PSG3: variants seen among roughly 807,000 people sequenced by gnomAD.
PSG3 encodes the protein pregnancy-specific beta-1-glycoprotein 3.
Under a neutral mutation model 47.5 loss-of-function variants are expected in PSG3, and 61 were observed. That is an observed-to-expected ratio of 1.28 (90% confidence interval 1.05 to 1.59). PSG3 has a LOEUF of 1.59. PSG3 is among the 40% of genes most tolerant of loss of function. PSG3 has a pLI of 0.00. For missense variants in PSG3, 756 were observed against 524.0 expected, an observed-to-expected ratio of 1.44 and a Z score of -4.32; for synonymous variants, 263 against 198.4, an observed-to-expected ratio of 1.33 and a Z score of -2.74.
chr19:42,738,726 T>A lies in PSG3; in HGVS notation c.428A>T (p.Tyr143Phe). Residue 143 changes from tyrosine (Y) to phenylalanine (F), a missense_variant and splice_region_variant, in exon 2 of 7, where the codon TAC becomes TTC. By Grantham distance (22) the Tyr-to-Phe change is conservative. Coordinates refer to ENST00000327495, the MANE Select transcript of PSG3 (RefSeq NM_021016.4). ...GETGHFTFTL[Y>F]LETPKPSISS... ...AGTGATCACGTGGAGTCACTCACGGTATAAGGTGAAGGTGAAATGTCCAGT... is the reference window on the plus strand; with the variant it reads ...AGTGATCACGTGGAGTCACTCACGGAATAAGGTGAAGGTGAAATGTCCAGT... The A allele has an allele frequency of 6.2e-7, 1 of 1,613,698 alleles. No individual in the cohort carries two copies. Among genetic ancestry groups the A allele is most frequent in the Non-Finnish European group, 8.5e-7 (1 of 1,179,754 alleles).
chr19:42,723,196 T>G (rs1483321415), intron 6 of PSG3, among the ~76,000 whole-genome samples: 1 of 152,252 alleles, frequency 6.6e-6, no homozygotes, highest in Non-Finnish European at 1.5e-5. Context: ...GGTTGTGTTC[T>G]GAGTCTCAGG....
At chr19:42,735,791 C>T (rs569614533) in intron 2 of PSG3, among the ~76,000 whole-genome samples, 4 of 152,124 alleles carry the variant, frequency 2.6e-5, no homozygotes, top group Admixed American at 6.5e-5. Flanking sequence ...AGGAAGTGAC[C>T]GGAGAATGTG....
At chr19:42,724,573 G>C (rs755451578) in intron 5 of PSG3, among the ~76,000 whole-genome samples, 1 of 152,098 alleles carries the variant, frequency 6.6e-6, no homozygotes, top group Non-Finnish European at 1.5e-5. Flanking sequence ...TTCCCCATCA[G>C]CCTTGCAAAA....
At chr19:42,730,857 A>T (rs1402072122) in intron 3 of PSG3, among the ~76,000 whole-genome samples, 1 of 152,204 alleles carries the variant, frequency 6.6e-6, no homozygotes, top group Non-Finnish European at 1.5e-5. Flanking sequence ...TTCCAGAAAT[A>T]CATGTGGACA....
At chr19:42,730,187 G>C (rs1178049748) in intron 3 of PSG3, 131 bp from the exon 4 acceptor site, 3 of 1,481,850 alleles carry the variant, frequency 2.0e-6, no homozygotes, top group Non-Finnish European at 1.8e-6. Context: ...GCTGGTGCGT[G>C]TGTCACAAGA....
chr19:42,738,339 G>A (rs544039853), intron 2 of PSG3, among the ~76,000 whole-genome samples: 2 of 152,190 alleles, frequency 1.3e-5, no homozygotes, highest in Non-Finnish European at 2.9e-5. Context: ...TGGTTCTGGG[G>A]GTGAGGCTTC....
chr19:42,732,413 G>T (rs2883101), intron 3 of PSG3: 3 of 403,774 alleles, frequency 7.4e-6, no homozygotes, highest in South Asian at 2.9e-5. Context: ...GTCATAGGTG[G>T]TATTGTCAGA....
intron 3 of PSG3, 138 bp from the exon 4 acceptor site, chr19:42,730,194 A>G: frequency 7.5e-6 from 11 of 1,459,088 alleles, no homozygotes; most frequent in Non-Finnish European, 1.0e-5. Context: ...CGTGTGTCAC[A>G]AGACAGATGC....
At position 42,740,378 on chromosome 19, in the gene PSG3, G is replaced by A. The variant is rs148595855; in HGVS notation, c.7C>T (p.Pro3Ser). ...TGTGTGCAGGGAGGGGCTGAGAGGG[G>A]CCCCATGGTCTCTGCTGCCTGCGTG... Reference protein sequence around the residue: MGPLSAPPCTQRI... With the variant: MGSLSAPPCTQRI... Residue 3 changes from proline to serine, a missense_variant, in exon 1 of 7, where the codon CCC becomes TCC. Transcript: ENST00000327495. 4 of 1,613,976 alleles carry A rather than the reference G, an allele frequency of 2.5e-6. No homozygotes were observed. The highest frequency in any genetic ancestry group is 3.4e-6 in the Non-Finnish European group (4 of 1,179,902).
chr19:42,723,104 C>G (rs192813865), intron 6 of PSG3, among the ~76,000 whole-genome samples: 34 of 152,140 alleles, frequency 2.2e-4, no homozygotes, highest in Non-Finnish European at 3.7e-4. Context: ...TGTCTCCTGG[C>G]GTAGGGACCT....
intron 2 of PSG3, chr19:42,733,580 T>C (rs775097852): frequency 1.5e-4 from 25 of 163,566 alleles, no homozygotes; most frequent in Non-Finnish European, 2.4e-4. Flanking sequence ...TCAGCAGAAA[T>C]AACACAGGGG....
At chr19:42,728,475 G>C (rs1373788558) in intron 5 of PSG3, among the ~76,000 whole-genome samples, 2 of 152,178 alleles carry the variant, frequency 1.3e-5, no homozygotes, top group Non-Finnish European at 2.9e-5. Context: ...TCTGCCCTGA[G>C]GCTCCCTCTC....
chr19:42,736,275 C>A (rs77979343), intron 2 of PSG3, among the ~76,000 whole-genome samples: 12 of 152,148 alleles, frequency 7.9e-5, no homozygotes, highest in Non-Finnish European at 1.6e-4. Context: ...TATTGTAGAA[C>A]GTGAGATTGG....
chr19:42,728,820 T>G (rs991362503), intron 5 of PSG3, among the ~76,000 whole-genome samples: 3 of 151,894 alleles, frequency 2.0e-5, no homozygotes, highest in African/African-American at 7.3e-5. Context: ...AAGAAGCAAC[T>G]TGATCTTGAG....
intron 2 of PSG3, among the ~76,000 whole-genome samples, chr19:42,735,520 C>G (rs968828126): frequency 2.6e-5 from 4 of 152,134 alleles, no homozygotes; most frequent in African/African-American, 9.7e-5. Context: ...GCGCCTGCCA[C>G]CACGTCCAGC....
intron 6 of PSG3, among the ~76,000 whole-genome samples, chr19:42,723,358 G>T (rs1406987387): frequency 1.3e-5 from 2 of 152,214 alleles, no homozygotes; most frequent in Non-Finnish European, 2.9e-5. Context: ...ATCTATATGG[G>T]TGAAGGGACA....
chr19:42,727,372 T>G (rs1376204296), intron 5 of PSG3, among the ~76,000 whole-genome samples: 1 of 152,098 alleles, frequency 6.6e-6, no homozygotes, highest in African/African-American at 2.4e-5. Context: ...TGATAAGAAA[T>G]TAATTTCCAG....
chr19:42,725,495 C>A (rs2122161906), intron 5 of PSG3, among the ~76,000 whole-genome samples: 1 of 151,978 alleles, frequency 6.6e-6, no homozygotes, highest in African/African-American at 2.4e-5. Context: ...AAAATAAAAT[C>A]AACAAAATTG....
In PSG3 at chr19:42,738,873, G is replaced by T. The variant is rs934146917; in HGVS notation, c.281C>A (p.Ala94Glu). The T allele has an allele frequency of 6.2e-7, 1 of 1,613,976 alleles. No homozygotes were observed. Among genetic ancestry groups the T allele is most frequent in the African/African-American group, 1.3e-5 (1 of 74,884 alleles). The change falls in exon 2 of 7, where the codon GCA (alanine) becomes GAA (glutamate). Residue 94 changes from alanine to glutamate, a missense_variant. By Grantham distance (107) the Ala-to-Glu change is moderately radical (BLOSUM62 -1). Transcript: ENST00000327495. ...VDGQIIIYGP[A>E]YSGRETVYSN... is the part of the protein sequence containing the mutation. ...ATATACTGTTTCTCGTCCACTGTAT[G>T]CAGGCCCATATATAATTATTTGACC...
Sources: gnomAD v4.1 joint callset for allele counts (sites outside exome capture counted in the v4.1 genomes callset) on GRCh38, gnomAD v4.1.1 for gene constraint, MANE v1.5 for transcripts, NCBI Gene and HGNC (gene_info 2026-07-23, HGNC 2026-07-21) for gene names.